EHBP1: variants seen among roughly 807,000 people sequenced by gnomAD.
The protein encoded by EHBP1 is EH domain-binding protein 1.
EHBP1 carries 55 observed loss-of-function variants against 144.0 expected under a neutral mutation model. The ratio of observed to expected loss-of-function variants is 0.38; its 90% confidence interval spans 0.31 to 0.48. EHBP1 has a LOEUF of 0.48. EHBP1 is among the 20% of genes least tolerant of loss of function. The pLI, the probability that EHBP1 is intolerant of heterozygous loss-of-function variation, is 0.98. For synonymous variants in EHBP1, 469 were observed against 472.7 expected, an observed-to-expected ratio of 0.99 and a Z score of 0.10; for missense variants, 1,200 against 1,364.2, an observed-to-expected ratio of 0.88 and a Z score of 1.90.
chr2:62,915,710 T>A (rs2054557780), intron 10 of EHBP1, among the ~76,000 whole-genome samples: 1 of 151,786 alleles, frequency 6.6e-6, no homozygotes, highest in African/African-American at 2.4e-5. Flanking sequence ...TTTAAGGATT[T>A]AAAAAAAATT....
At chr2:62,678,871 A>G (rs1225187975) in intron 1 of EHBP1, among the ~76,000 whole-genome samples, 1 of 151,972 alleles carries the variant, frequency 6.6e-6, no homozygotes, top group Non-Finnish European at 1.5e-5. Context: ...CCCATTTCTT[A>G]CTCAGAATTT....
intron 5 of EHBP1, among the ~76,000 whole-genome samples, chr2:62,808,088 G>A (rs1183362008): frequency 1.3e-5 from 2 of 151,198 alleles, no homozygotes; most frequent in Non-Finnish European, 2.9e-5. Flanking sequence ...TACATTATAT[G>A]CCTAGGTGTA....
At position 62,995,633 on chromosome 2, in the gene EHBP1, A is replaced by T. The variant is rs1165886646; in HGVS notation, c.2980-1010A>T. The stretch of plus-strand genomic sequence containing the variant: ...TGAATAAATAATGTTATAAGTGCTT[A>T]TGATAGGAGTGGTGGTGGTAAGAAT... On this transcript the variant is annotated intron_variant, in intron 18 of 22. Coordinates refer to ENST00000431489, the MANE Select transcript of EHBP1 (RefSeq NM_001142616.3). Among the ~76,000 whole-genome samples, 3 of 152,212 alleles carry T rather than the reference A, an allele frequency of 2.0e-5. No homozygotes were observed. The East Asian group carries it at 5.8e-4, about 29-fold the overall frequency.
chr2:62,998,885 C>T (rs1349816676), intron 19 of EHBP1, among the ~76,000 whole-genome samples: 2 of 152,152 alleles, frequency 1.3e-5, no homozygotes, highest in Non-Finnish European at 2.9e-5. Context: ...TAAACCTCCT[C>T]CAACACAAAT....
At chr2:63,019,290 C>G (rs1212132562) in intron 19 of EHBP1, among the ~76,000 whole-genome samples, 1 of 152,120 alleles carries the variant, frequency 6.6e-6, no homozygotes, top group Non-Finnish European at 1.5e-5. Context: ...GTGTTACAAG[C>G]GCTAAGAGAA....
chr2:62,963,455 C>T (rs1201615725), intron 14 of EHBP1, among the ~76,000 whole-genome samples: 2 of 151,874 alleles, frequency 1.3e-5, no homozygotes, highest in African/African-American at 2.4e-5. Context: ...TAACCTTTTC[C>T]GTAGTTTTCA....
At chr2:62,731,668 T>G (rs1213872057) in intron 2 of EHBP1, among the ~76,000 whole-genome samples, 1 of 152,204 alleles carries the variant, frequency 6.6e-6, no homozygotes, top group Non-Finnish European at 1.5e-5. Flanking sequence ...TAGCTTTTCT[T>G]CTTTAGCCTG....
chr2:63,013,351 CAT>C (rs2060347577), intron 19 of EHBP1, among the ~76,000 whole-genome samples: 2 of 152,084 alleles, frequency 1.3e-5, no homozygotes, highest in African/African-American at 4.8e-5. Flanking sequence ...CTGTGATGAA[CAT>C]ATTAAAGGTA....
At chr2:63,017,724 G>T (rs1290501691) in intron 19 of EHBP1, among the ~76,000 whole-genome samples, 1 of 152,080 alleles carries the variant, frequency 6.6e-6, no homozygotes, top group African/African-American at 2.4e-5. Flanking sequence ...AAGGTATAAT[G>T]AATTAATATT....
intron 14 of EHBP1, among the ~76,000 whole-genome samples, chr2:62,971,799 A>C (rs937361162): frequency 6.6e-6 from 1 of 152,206 alleles, no homozygotes; most frequent in South Asian, 2.1e-4. Flanking sequence ...TTGTAAAAAG[A>C]TAGTCATAGG....
At chr2:62,788,234 A>G (rs887353475) in intron 5 of EHBP1, among the ~76,000 whole-genome samples, 1 of 152,146 alleles carries the variant, frequency 6.6e-6, no homozygotes, top group Non-Finnish European at 1.5e-5. Context: ...TTAAAGGTTT[A>G]TGTGGTCTTT....
chr2:63,003,018 A>G (rs2059908112), intron 19 of EHBP1, among the ~76,000 whole-genome samples: 1 of 152,060 alleles, frequency 6.6e-6, no homozygotes, highest in South Asian at 2.1e-4. Flanking sequence ...TGCATTCTGA[A>G]CTTTATTATA....
intron 14 of EHBP1, among the ~76,000 whole-genome samples, chr2:62,976,928 T>C (rs1481415646): frequency 1.3e-5 from 2 of 152,114 alleles, no homozygotes; most frequent in African/African-American, 4.8e-5. Flanking sequence ...TTCTGAGTTT[T>C]TTTTCCCTCC....
chr2:62,875,050 C>A (rs1272236535), intron 10 of EHBP1, among the ~76,000 whole-genome samples: 2 of 152,098 alleles, frequency 1.3e-5, no homozygotes, highest in Non-Finnish European at 2.9e-5. Context: ...AGCATATGCA[C>A]ACAGACCCTG....
At chr2:62,779,739 T>G (rs1216364146) in intron 5 of EHBP1, among the ~76,000 whole-genome samples, 1 of 152,216 alleles carries the variant, frequency 6.6e-6, no homozygotes, top group Non-Finnish European at 1.5e-5. Flanking sequence ...CATCTTGTCT[T>G]TCATACAAAT....
chr2:62,898,727 C>T (rs192992662), intron 10 of EHBP1, among the ~76,000 whole-genome samples: 52 of 148,250 alleles, frequency 3.5e-4, no homozygotes, highest in Non-Finnish European at 5.8e-4. Context: ...GATGGATAGA[C>T]GAAAGGAAAA....
At chr2:62,707,515 A>G (rs1011590046) in intron 2 of EHBP1, among the ~76,000 whole-genome samples, 4 of 152,186 alleles carry the variant, frequency 2.6e-5, no homozygotes, top group African/African-American at 7.2e-5. Context: ...GGCTCAGAGG[A>G]CTGTAACTGT....
At position 62,835,650 on chromosome 2, in the gene EHBP1, C is replaced by G. The variant is rs1008008731; in HGVS notation, c.634+4492C>G. On this transcript the variant is annotated intron_variant, in intron 7 of 22. Transcript: ENST00000431489. The stretch of plus-strand genomic sequence containing the variant: ...GTGGGTGCGCGCACCGTGCGCGAGC[C>G]GAAGCAGGGCGAGGCATTGCCTCAC... Among the ~76,000 whole-genome samples, 3 of 152,210 alleles carry G rather than the reference C, an allele frequency of 2.0e-5. No individual in the cohort carries two copies. The South Asian group carries it at 6.2e-4, about 32-fold the overall frequency.
intron 21 of EHBP1, among the ~76,000 whole-genome samples, chr2:63,043,278 G>C (rs944250939): frequency 6.6e-6 from 1 of 152,082 alleles, no homozygotes; most frequent in Non-Finnish European, 1.5e-5. Flanking sequence ...ATATATGGCT[G>C]CTCTTCAATT....
Sources: gnomAD v4.1 joint callset for allele counts (sites outside exome capture counted in the v4.1 genomes callset) on GRCh38, gnomAD v4.1.1 for gene constraint, MANE v1.5 for transcripts, NCBI Gene and HGNC (gene_info 2026-07-23, HGNC 2026-07-21) for gene names.